The following BNIP2 variants were observed in gnomAD, a reference collection of about 807,000 sequenced individuals.
BNIP2 encodes the protein BCL2/adenovirus E1B 19 kDa protein-interacting protein 2.
A neutral mutation model predicts 43.4 loss-of-function variants in BNIP2; 36 were observed. The ratio of observed to expected loss-of-function variants is 0.83; its 90% CI spans 0.64 to 1.10. The LOEUF is 1.10. BNIP2 is among the 50% of genes least tolerant of loss of function. The pLI is 0.00. For synonymous variants in BNIP2, 146 were observed against 121.0 expected (o/e 1.21, Z -1.35); for missense variants, 417 against 374.1 (o/e 1.11, Z -0.95).
chr15:59,679,491 T>C (rs1171848596), intron 4 of BNIP2, 101 bp downstream of exon 4: 2 of 1,301,462 alleles, frequency 1.5e-6, no homozygotes, highest in African/African-American at 1.5e-5. Flanking sequence ...CAATTTCCTA[T>C]CTTAGTAACA....
rs537518664 is a variant in BNIP2, at chr15:59,689,236, C to T, written c.-159G>A. The T allele has an allele frequency of 1.1e-5, 17 of 1,542,360 alleles. No homozygotes were observed. The highest frequency in any genetic ancestry group is 1.2e-5 in the Non-Finnish European group (14 of 1,146,204). ...AAAGCAGGGCCGAGCGGAGCCCGCT[C>T]CCCTCGGTCGGCGGTGGAGACCCCG... On this transcript the variant is annotated 5_prime_UTR_variant, in exon 1 of 10. Transcript: ENST00000607373.
intron 9 of BNIP2, 53 bp downstream of exon 9, chr15:59,668,839 G>T: frequency 7.0e-7 from 1 of 1,429,432 alleles, no homozygotes; most frequent in Non-Finnish European, 9.8e-7. Flanking sequence ...ATTATCCATT[G>T]CACATCAAAA....
Position 59,659,260 on chromosome 15 carries a change from T to C in BNIP2, c.*4809A>G, listed in dbSNP as rs1442820638. 2 of 152,226 alleles carry C rather than the reference T, an allele frequency of 1.3e-5. No homozygotes were observed. Among genetic ancestry groups the C allele is most frequent in the African/African-American group, 2.4e-5 (1 of 41,456 alleles). 9.4% of individuals were successfully genotyped at this position (152,226 alleles called of 1,614,324 possible). On this transcript the variant is annotated 3_prime_UTR_variant, in exon 10 of 10. Coordinates refer to ENST00000607373, the MANE Select transcript of BNIP2 (RefSeq NM_004330.4). ...CAAAGAAAATATTACATCTCCTTAGTAAATCATGACCAACTCTGGTATTTC... is the reference window on the plus strand; with the variant it reads ...CAAAGAAAATATTACATCTCCTTAGCAAATCATGACCAACTCTGGTATTTC...
chr15:59,668,720 T>C (rs1047476194), intron 9 of BNIP2, 172 bp downstream of exon 9: 31 of 543,948 alleles, frequency 5.7e-5, no homozygotes, highest in Middle Eastern at 9.7e-4. Context: ...CTTAGGGGGA[T>C]GGTGTGGGAA....
In BNIP2 at chr15:59,671,329, T is replaced by C; in HGVS notation, c.576-15A>G. The C allele has an allele frequency of 6.4e-7, 1 of 1,571,378 alleles. No individual in the cohort carries two copies. Among genetic ancestry groups the C allele is most frequent in the South Asian group, 1.2e-5 (1 of 86,178 alleles). On this transcript the variant is annotated splice_polypyrimidine_tract_variant and intron_variant, in intron 6 of 9. Coordinates refer to ENST00000607373, the MANE Select transcript of BNIP2 (RefSeq NM_004330.4). ...CAATAACATATCTGTAAAAAACAAA[T>C]TAAGTTTAAGCCTTAAAAATCACTG...
At chr15:59,667,400 T>A (rs1469548751) in intron 9 of BNIP2, among the ~76,000 whole-genome samples, 1 of 152,240 alleles carries the variant, frequency 6.6e-6, no homozygotes, top group Admixed American at 6.5e-5. Context: ...ATCTAAATTC[T>A]ACGTTTTTCT....
At chr15:59,673,697 C>A (rs1212945038) in intron 5 of BNIP2, among the ~76,000 whole-genome samples, 1 of 152,158 alleles carries the variant, frequency 6.6e-6, no homozygotes, top group African/African-American at 2.4e-5. Context: ...TCCCAAAGCA[C>A]TGGGCATGAG....
At chr15:59,677,147 G>A in intron 5 of BNIP2, 2 of 1,598,364 alleles carry the variant, frequency 1.3e-6, no homozygotes, top group Non-Finnish European at 1.7e-6. Flanking sequence ...TTTACATGCA[G>A]AAGGTGATTT....
At chr15:59,665,136 C>T (rs906040405) in intron 9 of BNIP2, among the ~76,000 whole-genome samples, 3 of 151,854 alleles carry the variant, frequency 2.0e-5, no homozygotes, top group East Asian at 1.9e-4. Flanking sequence ...TGGTGGTACG[C>T]GTCTGTAGTC....
At chr15:59,685,883 G>A (rs369069302) in intron 1 of BNIP2, among the ~76,000 whole-genome samples, 10 of 152,288 alleles carry the variant, frequency 6.6e-5, no homozygotes, top group Non-Finnish European at 1.5e-4. Context: ...CAACCTCTTC[G>A]AAGAAAATCA....
In BNIP2 at chr15:59,662,866, GA is replaced by G; in HGVS notation, c.*1202del. 1 of 152,262 alleles carries G rather than the reference GA, an allele frequency of 6.6e-6. No individual in the cohort carries two copies. Among genetic ancestry groups the G allele is most frequent in the Middle Eastern group, 3.4e-3 (1 of 294 alleles). The allele number at this position is 152,262 out of a possible 1,614,324, so 9.4% of individuals were successfully genotyped here. A position where few individuals can be genotyped will look rare whatever the true frequency, so the allele number is the denominator to read the frequency against. ...TGTCGGTAATTAAACTTTTTGTTTG[GA>G]GGCACAAACACAATTTATTTCAATG... is the stretch of plus-strand genomic sequence containing the variant. On this transcript the variant is annotated 3_prime_UTR_variant, in exon 10 of 10. Coordinates refer to ENST00000607373, the MANE Select transcript of BNIP2 (RefSeq NM_004330.4).
At position 59,677,900 on chromosome 15, in the gene BNIP2, GTAA is replaced by G. The variant is rs754393995; in HGVS notation, c.472+8_472+10del. 3 of 1,582,990 alleles carry G rather than the reference GTAA, an allele frequency of 1.9e-6. No homozygotes were observed. In the African/African-American group the frequency reaches 4.1e-5, roughly 22 times the overall value. On this transcript the variant is annotated splice_region_variant and intron_variant, in intron 5 of 9. Coordinates refer to ENST00000607373, the MANE Select transcript of BNIP2 (RefSeq NM_004330.4). ...CATTAAACAATCTGAAAAATCCTCAGTAACTCTTACCCCCATGGCTGATAACTT... is the reference window on the plus strand; with the variant it reads ...CATTAAACAATCTGAAAAATCCTCAGCTCTTACCCCCATGGCTGATAACTT...
intron 9 of BNIP2, among the ~76,000 whole-genome samples, chr15:59,664,733 A>T (rs1323773560): frequency 6.6e-6 from 1 of 152,228 alleles, no homozygotes; most frequent in African/African-American, 2.4e-5. Flanking sequence ...CTTGACCTGT[A>T]ACTTGGCTGT....
intron 4 of BNIP2, chr15:59,679,159 G>C (rs559441664): frequency 5.6e-6 from 1 of 180,034 alleles, no homozygotes; most frequent in South Asian, 1.0e-4. Context: ...AAGTAATAAG[G>C]AATACTAGGT....
chr15:59,678,792 C>G, intron 4 of BNIP2: 1 of 1,302,340 alleles, frequency 7.7e-7, no homozygotes, highest in African/African-American at 1.5e-5. Flanking sequence ...TTAGTTGTTT[C>G]CAAGACAAAG....
intron 9 of BNIP2, among the ~76,000 whole-genome samples, chr15:59,667,920 G>C (rs1226116352): frequency 2.0e-5 from 3 of 152,156 alleles, no homozygotes; most frequent in African/African-American, 7.2e-5. Context: ...AATAAAACAT[G>C]GTGAATCCAA....
chr15:59,680,678 G>C (rs1391561521), intron 2 of BNIP2, among the ~76,000 whole-genome samples: 1 of 152,188 alleles, frequency 6.6e-6, no homozygotes, highest in Admixed American at 6.5e-5. Context: ...TGGGATTACA[G>C]GCATGAGCCA....
chr15:59,664,159 C>T, intron 9 of BNIP2, 39 bp from the exon 10 acceptor site: 1 of 1,324,602 alleles, frequency 7.5e-7, no homozygotes, highest in Non-Finnish European at 1.0e-6. Context: ...AAACCAGCAA[C>T]TGAACAATTT....
At chr15:59,688,480 C>A in intron 1 of BNIP2, 1 of 442,348 alleles carries the variant, frequency 2.3e-6, no homozygotes, top group Non-Finnish European at 4.1e-6. Context: ...CTTGATGCAA[C>A]ACCGGAAAAG....
Sources: allele counts gnomAD v4.1 joint callset (sites outside exome capture counted in the v4.1 genomes callset), GRCh38; gene constraint gnomAD v4.1.1; transcripts MANE v1.5; gene names NCBI Gene and HGNC (gene_info 2026-07-23, HGNC 2026-07-21).